Variants in ROBO1 observed in about 807,000 individuals in gnomAD.
ROBO1 encodes the protein roundabout guidance receptor 1, also known as roundabout homolog 1.
In ROBO1, 149 loss-of-function variants were observed where a neutral mutation model predicts 195.9. The ratio of observed to expected loss-of-function variants is 0.76; its 90% CI spans 0.67 to 0.87. The LOEUF (loss-of-function observed/expected upper bound fraction) is 0.87. Among genes scored for constraint, ROBO1 ranks in the 40% least tolerant of loss-of-function variants. The pLI is 0.00. For synonymous variants in ROBO1, 816 were observed against 733.2 expected, an observed-to-expected ratio of 1.11 and a Z score of -1.82; for missense variants, 1,933 against 2,068.3, an observed-to-expected ratio of 0.93 and a Z score of 1.27.
chr3:79,244,255 T>C (rs1231698402), intron 2 of ROBO1, among the ~76,000 whole-genome samples: 2 of 152,104 alleles, frequency 1.3e-5, no homozygotes, highest in African/African-American at 4.8e-5. Flanking sequence ...CCTCCCCCTC[T>C]GACTATTTGC....
intron 8 of ROBO1, among the ~76,000 whole-genome samples, chr3:78,698,838 A>G (rs1038477250): frequency 6.6e-6 from 1 of 152,142 alleles, no homozygotes; most frequent in African/African-American, 2.4e-5. Context: ...AAAGGTTAGT[A>G]CTCTTGCTCT....
At chr3:79,177,209 C>T (rs951309275) in intron 2 of ROBO1, among the ~76,000 whole-genome samples, 1 of 152,158 alleles carries the variant, frequency 6.6e-6, no homozygotes, top group Non-Finnish European at 1.5e-5. Context: ...TTCTTTCAAA[C>T]CAGCAGAATA....
intron 10 of ROBO1, among the ~76,000 whole-genome samples, chr3:78,679,755 C>T (rs554301108): frequency 6.6e-6 from 1 of 152,066 alleles, no homozygotes; most frequent in Admixed American, 6.6e-5. Flanking sequence ...GGCCATACTG[C>T]CCAAGGTAAT....
At chr3:79,463,905 C>T (rs1937799672) in intron 2 of ROBO1, among the ~76,000 whole-genome samples, 2 of 152,112 alleles carry the variant, frequency 1.3e-5, no homozygotes, top group South Asian at 4.1e-4. Context: ...TAAAATGAAA[C>T]TCAAACTCAT....
At chr3:79,148,415 C>T (rs185170075) in intron 2 of ROBO1, among the ~76,000 whole-genome samples, 4 of 151,708 alleles carry the variant, frequency 2.6e-5, no homozygotes, top group Admixed American at 1.3e-4. Context: ...GCCTAGAGTT[C>T]GAGGCCAGCC....
chr3:78,983,585 A>G lies in ROBO1; in HGVS notation c.173-44658T>C, dbSNP rs545913475. ...AAGGTAGAACAATCTAACAAAACTA[A>G]TAACGTAATCTCTATTTCAGAGGCT... On this transcript the variant is annotated intron_variant, in intron 3 of 30. Transcript: ENST00000464233. 1.1e-4 allele frequency among the ~76,000 whole-genome samples: 16 copies of G among 152,362 alleles called. No homozygotes were observed. In the South Asian group the frequency reaches 2.9e-3, roughly 28 times the overall value.
At chr3:78,719,802 C>G (rs948871724) in intron 5 of ROBO1, among the ~76,000 whole-genome samples, 1 of 152,272 alleles carries the variant, frequency 6.6e-6, no homozygotes, top group Middle Eastern at 3.4e-3. Context: ...CGCTTATGAA[C>G]AGCACTGAAA....
At chr3:79,339,160 A>T (rs1454057476) in intron 2 of ROBO1, among the ~76,000 whole-genome samples, 1 of 152,206 alleles carries the variant, frequency 6.6e-6, no homozygotes, top group Non-Finnish European at 1.5e-5. Flanking sequence ...CCATTGGTTC[A>T]TTGTAATAGT....
chr3:79,456,216 C>A (rs2039614284), intron 2 of ROBO1, among the ~76,000 whole-genome samples: 1 of 152,112 alleles, frequency 6.6e-6, no homozygotes, highest in African/African-American at 2.4e-5. Flanking sequence ...TGCAAATTAA[C>A]ACAATCTGTC....
intron 2 of ROBO1, among the ~76,000 whole-genome samples, chr3:79,354,219 C>G (rs1249313987): frequency 2.0e-5 from 3 of 152,164 alleles, no homozygotes; most frequent in Non-Finnish European, 4.4e-5. Flanking sequence ...TTAAACTTGT[C>G]TCATCTACAG....
intron 2 of ROBO1, among the ~76,000 whole-genome samples, chr3:79,516,401 A>G (rs1219923344): frequency 6.6e-6 from 1 of 152,080 alleles, no homozygotes; most frequent in African/African-American, 2.4e-5. Context: ...GGAAGCATAT[A>G]TAATTTCAAA....
intron 19 of ROBO1, among the ~76,000 whole-genome samples, chr3:78,651,031 G>C (rs566660357): frequency 6.6e-6 from 1 of 152,240 alleles, no homozygotes; most frequent in African/African-American, 2.4e-5. Flanking sequence ...AGAGTTTAAG[G>C]ATAAGTAGCA....
chr3:79,607,095 G>GCACACACACACA (rs35692271), intron 1 of ROBO1, among the ~76,000 whole-genome samples: 2,469 of 139,994 alleles, frequency 0.018, 33 homozygotes, highest in African/African-American at 0.026. Context: ...ATTAAAACCT[G>GCACACACACACA]CACACACACA....
At chr3:78,876,799 T>G (rs1007202188) in intron 4 of ROBO1, among the ~76,000 whole-genome samples, 4 of 152,166 alleles carry the variant, frequency 2.6e-5, no homozygotes, top group African/African-American at 7.2e-5. Flanking sequence ...AAAATACATT[T>G]GGTCAAACCA....
intron 3 of ROBO1, among the ~76,000 whole-genome samples, chr3:78,952,174 A>G (rs1560041459): frequency 2.0e-5 from 3 of 151,434 alleles, no homozygotes; most frequent in Admixed American, 6.6e-5. Flanking sequence ...TAAAATGATT[A>G]AAGTATCTGT....
At chr3:78,892,511 T>C (rs1029098529) in intron 4 of ROBO1, among the ~76,000 whole-genome samples, 5 of 152,198 alleles carry the variant, frequency 3.3e-5, no homozygotes, top group Non-Finnish European at 4.4e-5. Flanking sequence ...CATTGTGATG[T>C]GTAGAGTAAT....
intron 4 of ROBO1, among the ~76,000 whole-genome samples, chr3:78,763,328 G>A (rs1331597387): frequency 6.6e-6 from 1 of 152,056 alleles, no homozygotes; most frequent in African/African-American, 2.4e-5. Context: ...CACATTTATA[G>A]TAAGTACATA....
At chr3:79,233,328 G>C (rs1296493173) in intron 2 of ROBO1, among the ~76,000 whole-genome samples, 1 of 151,978 alleles carries the variant, frequency 6.6e-6, no homozygotes, top group East Asian at 1.9e-4. Flanking sequence ...AGGAATTGTA[G>C]ACAAGGAAAT....
intron 2 of ROBO1, among the ~76,000 whole-genome samples, chr3:79,197,104 T>C (rs765651149): frequency 6.6e-6 from 1 of 151,854 alleles, no homozygotes; most frequent in Non-Finnish European, 1.5e-5. Context: ...ATTTGTTACA[T>C]AGGTATACAC....
Sources: gnomAD v4.1 joint callset for allele counts (sites outside exome capture counted in the v4.1 genomes callset) on GRCh38, gnomAD v4.1.1 for gene constraint, MANE v1.5 for transcripts, NCBI Gene and HGNC (gene_info 2026-07-23, HGNC 2026-07-21) for gene names.